The following UNC93A variants were observed in gnomAD, a reference collection of about 807,000 sequenced individuals.
The protein encoded by UNC93A is unc-93 homolog A, also known as N-acetylglucosamine transporter UNC93A.
Under a neutral mutation model 47.5 loss-of-function variants are expected in UNC93A, and 43 were observed. The ratio of observed to expected loss-of-function variants is 0.91; its 90% CI spans 0.71 to 1.17. The LOEUF (loss-of-function observed/expected upper bound fraction) is 1.17, where lower values mean the gene tolerates loss of function less well. UNC93A is among the 50% of genes most tolerant of loss of function. The pLI, the probability that UNC93A is intolerant of heterozygous loss-of-function variation, is 0.00. For synonymous variants in UNC93A, 280 were observed against 258.0 expected, an observed-to-expected ratio of 1.09 and a Z score of -0.82; for missense variants, 605 against 577.6, an observed-to-expected ratio of 1.05 and a Z score of -0.49.
upstream of UNC93A, among the ~76,000 whole-genome samples, chr6:167,286,410 C>G (rs550536872): frequency 6.6e-6 from 1 of 152,228 alleles, no homozygotes; most frequent in African/African-American, 2.4e-5. Context: ...TAGCTGGAAA[C>G]AAACGGGGAA....
Position 167,306,300 on chromosome 6 carries a change from C to T in UNC93A, c.976+250C>T, listed in dbSNP as rs185641002. Among the ~76,000 whole-genome samples, 37 of 152,294 alleles carry T rather than the reference C, an allele frequency of 2.4e-4. No individual in the cohort carries two copies. In the East Asian group the frequency reaches 5.0e-3, roughly 21 times the overall value. ...GAGGCCACACAGCAAGTGCCTGCTC[C>T]GAGTGGGCACTCGGTGTGGTGACCA... is the stretch of plus-strand genomic sequence containing the variant. On this transcript the variant is annotated intron_variant, in intron 6 of 7. Coordinates refer to ENST00000230256, the MANE Select transcript of UNC93A (RefSeq NM_018974.4).
chr6:167,274,390 C>A (rs964980185), intron 1 of UNC93A, among the ~76,000 whole-genome samples: 41 of 152,206 alleles, frequency 2.7e-4, no homozygotes, highest in Admixed American at 7.8e-4. Flanking sequence ...CCTCCTCCTG[C>A]CTAAAGGGTT....
chr6:167,308,016 T>A (rs1583092129), intron 7 of UNC93A, 106 bp downstream of exon 7: 1 of 1,491,508 alleles, frequency 6.7e-7, no homozygotes, highest in Non-Finnish European at 9.0e-7. Flanking sequence ...CCAAGAGAGA[T>A]GAGTTGGGAG....
At chr6:167,284,802 G>C (rs553109901) in intron 1 of UNC93A, among the ~76,000 whole-genome samples, 1 of 151,280 alleles carries the variant, frequency 6.6e-6, no homozygotes, top group Admixed American at 6.6e-5. Context: ...GAGGGCGGTC[G>C]CCACAGGTGG....
At chr6:167,291,946 C>T (rs1783850870) in intron 1 of UNC93A, among the ~76,000 whole-genome samples, 1 of 152,168 alleles carries the variant, frequency 6.6e-6, no homozygotes, top group Admixed American at 6.5e-5. Context: ...TTAGGGGCAG[C>T]CATGTGAATT....
At chr6:167,304,398 G>A (rs985984840) in intron 5 of UNC93A, among the ~76,000 whole-genome samples, 7 of 152,186 alleles carry the variant, frequency 4.6e-5, no homozygotes, top group African/African-American at 1.7e-4. Context: ...CCTGGGGAAG[G>A]AGCCGGAACA....
intron 4 of UNC93A, among the ~76,000 whole-genome samples, chr6:167,302,124 C>T (rs1778257110): frequency 6.6e-6 from 1 of 152,152 alleles, no homozygotes; most frequent in Admixed American, 6.5e-5. Context: ...CTAGGTGGAA[C>T]CACATTACCA....
At chr6:167,282,207 G>C (rs1783645668) in intron 1 of UNC93A, among the ~76,000 whole-genome samples, 1 of 152,150 alleles carries the variant, frequency 6.6e-6, no homozygotes, top group Non-Finnish European at 1.5e-5. Flanking sequence ...AGCTGACCAG[G>C]AAACATTTTC....
At chr6:167,307,983 C>T (rs2115172356) in intron 7 of UNC93A, 73 bp downstream of exon 7, 1 of 1,577,182 alleles carries the variant, frequency 6.3e-7, no homozygotes, top group Non-Finnish European at 8.6e-7. Context: ...CTGTGGGGCT[C>T]ATTAGATGCC....
At chr6:167,286,211 G>A (rs774646023) in intron 1 of UNC93A, among the ~76,000 whole-genome samples, 10 of 151,818 alleles carry the variant, frequency 6.6e-5, no homozygotes, top group South Asian at 2.1e-4. Context: ...TCATCATATC[G>A]AGTACCTTTC....
rs577492491 is a variant in UNC93A at position 167,296,232 on chromosome 6, C to T, written c.470C>T (p.Ser157Leu). Reference protein sequence around the residue: ...SSGVWGNLISSLVFGQTPSQE... With the variant: ...SSGVWGNLISLLVFGQTPSQE... ...GGTGTGTGGGGCAACTTGATCTCAT[C>T]GCTGGTATTTGGCCAGACTCCCAGC... Residue 157 changes from serine to leucine, a missense_variant, in exon 3 of 8, where the codon TCG becomes TTG. By Grantham distance (145) the Ser-to-Leu change is moderately radical. Transcript: ENST00000230256. The T allele has an allele frequency of 1.4e-5, 23 of 1,614,174 alleles. No individual in the cohort carries two copies. Among genetic ancestry groups the T allele is most frequent in the East Asian group, 4.5e-5 (2 of 44,890 alleles).
At chr6:167,285,869 T>C (rs1212030953) in intron 1 of UNC93A, among the ~76,000 whole-genome samples, 1 of 151,240 alleles carries the variant, frequency 6.6e-6, no homozygotes, top group Non-Finnish European at 1.5e-5. Flanking sequence ...TATAGGTGCA[T>C]GAAATAAAAA....
At chr6:167,314,069 T>C (rs1483872995) in intron 7 of UNC93A, among the ~76,000 whole-genome samples, 1 of 152,122 alleles carries the variant, frequency 6.6e-6, no homozygotes, top group Non-Finnish European at 1.5e-5. Context: ...CGCATCTGCG[T>C]TGGTCTTCAG....
chr6:167,290,418 T>A (rs546667850), upstream of UNC93A, among the ~76,000 whole-genome samples: 1 of 152,320 alleles, frequency 6.6e-6, no homozygotes, highest in East Asian at 1.9e-4. Context: ...AGATTTGCCT[T>A]ATAGATCTAA....
At chr6:167,311,545 T>C (rs1778556009) in intron 7 of UNC93A, among the ~76,000 whole-genome samples, 1 of 152,224 alleles carries the variant, frequency 6.6e-6, no homozygotes, top group South Asian at 2.1e-4. Context: ...AATACTCTTT[T>C]GCTCTGTTGG....
chr6:167,272,794 A>G (rs2115066522), intron 1 of UNC93A, among the ~76,000 whole-genome samples: 1 of 152,336 alleles, frequency 6.6e-6, no homozygotes, highest in South Asian at 2.1e-4. Context: ...GTGGAGACCA[A>G]AGTTCTTATT....
rs778478995 is a variant in UNC93A at position 167,294,405 on chromosome 6, C to T, written c.88-112C>T. The T allele has an allele frequency of 1.8e-4, 224 of 1,276,454 alleles. 1 individual carries two copies. Among genetic ancestry groups the T allele is most frequent in the South Asian group, 5.8e-4 (41 of 71,070 alleles). The allele number at this position is 1,276,454 out of a possible 1,614,324, so 79.1% of individuals were successfully genotyped here. A position where few individuals can be genotyped will look rare whatever the true frequency, so the allele number is the denominator to read the frequency against. On this transcript the variant is annotated intron_variant, in intron 1 of 7. Coordinates refer to ENST00000230256, the MANE Select transcript of UNC93A (RefSeq NM_018974.4). Reference sequence around the variant, plus strand: ...CCCAGGGCAGCAAGCCTGTGGCTGGCGGTTCCTGGGAGCTGTGGCGGCCTC... The same window carrying T: ...CCCAGGGCAGCAAGCCTGTGGCTGGTGGTTCCTGGGAGCTGTGGCGGCCTC...
chr6:167,291,005 A>G (rs923805472), upstream of UNC93A, among the ~76,000 whole-genome samples: 2 of 152,202 alleles, frequency 1.3e-5, no homozygotes, highest in Non-Finnish European at 2.9e-5. Context: ...AAGTTGAACT[A>G]TGTGTCTTGA....
intron 5 of UNC93A, among the ~76,000 whole-genome samples, chr6:167,304,771 T>C (rs896678531): frequency 6.6e-6 from 1 of 152,176 alleles, no homozygotes; most frequent in Non-Finnish European, 1.5e-5. Context: ...GGTTTCTCCA[T>C]GTTGGTCAGG....
Sources: gnomAD v4.1 joint callset for allele counts (sites outside exome capture counted in the v4.1 genomes callset) on GRCh38, gnomAD v4.1.1 for gene constraint, MANE v1.5 for transcripts, NCBI Gene and HGNC (gene_info 2026-07-23, HGNC 2026-07-21) for gene names.